EML1: variants seen among roughly 807,000 people sequenced by gnomAD.
EML1 encodes echinoderm microtubule-associated protein-like 1.
Under a neutral mutation model 110.4 loss-of-function variants are expected in EML1, and 27 were observed. The observed-to-expected ratio is 0.24, with a 90% CI of 0.18 to 0.34. EML1 has a LOEUF of 0.34. EML1 is among the 10% of genes least tolerant of loss of function. The pLI, the probability that EML1 is intolerant of heterozygous loss-of-function variation, is 1.00. For synonymous variants in EML1, 344 were observed against 385.8 expected (o/e 0.89, Z 1.27); for missense variants, 741 against 1,030.9 (o/e 0.72, Z 3.85).
intron 17 of EML1, among the ~76,000 whole-genome samples, chr14:99,927,820 T>G (rs1298060912): frequency 3.2e-3 from 61 of 19,320 alleles, no homozygotes; most frequent in Admixed American, 7.8e-3. Flanking sequence ...GGGGGGGTGG[T>G]GGTGGTGGTG....
chr14:99,888,836 T>C (rs2059530315), intron 4 of EML1, among the ~76,000 whole-genome samples: 1 of 147,306 alleles, frequency 6.8e-6, no homozygotes, highest in South Asian at 2.1e-4. Context: ...CCCTCTTAGA[T>C]GGGAGTAGGA....
At chr14:99,927,808 G>A (rs55938529) in intron 17 of EML1, among the ~76,000 whole-genome samples, 2,406 of 35,308 alleles carry the variant, frequency 0.068, 182 homozygotes, top group Non-Finnish European at 0.11. Flanking sequence ...GGTGGGGGGG[G>A]TGGGGGGGTG....
At chr14:99,739,315 G>A (rs142389189) in intron 1 of EML1, among the ~76,000 whole-genome samples, 8 of 152,206 alleles carry the variant, frequency 5.3e-5, no homozygotes, top group East Asian at 1.9e-4. Flanking sequence ...ACGCTAACCC[G>A]GAATAGCTCT....
upstream of EML1, among the ~76,000 whole-genome samples, chr14:99,791,253 G>A (rs1451107122): frequency 1.3e-5 from 2 of 152,108 alleles, no homozygotes; most frequent in African/African-American, 4.8e-5. Context: ...GGTCACCTGG[G>A]AGCCCTCTGC....
chr14:99,825,015 G>A (rs2058329174), intron 1 of EML1, among the ~76,000 whole-genome samples: 1 of 151,980 alleles, frequency 6.6e-6, no homozygotes, highest in African/African-American at 2.4e-5. Flanking sequence ...ACAGGATCTT[G>A]TTCTGTCTCC....
intron 1 of EML1, among the ~76,000 whole-genome samples, chr14:99,751,339 C>A (rs143603559): frequency 1.6e-3 from 247 of 152,248 alleles, no homozygotes; most frequent in African/African-American, 5.5e-3. Flanking sequence ...TAACAAGGGG[C>A]CACTGCATGG....
At chr14:99,748,226 C>A (rs1346311848) in intron 1 of EML1, among the ~76,000 whole-genome samples, 1 of 152,104 alleles carries the variant, frequency 6.6e-6, no homozygotes, top group Non-Finnish European at 1.5e-5. Flanking sequence ...CCAGGACAGC[C>A]CCTGCCCGCA....
chr14:99,877,418 C>T (rs948499104), intron 3 of EML1, among the ~76,000 whole-genome samples: 12 of 152,122 alleles, frequency 7.9e-5, no homozygotes, highest in African/African-American at 2.9e-4. Flanking sequence ...TCTGGTTTAC[C>T]CCTCATGCCT....
chr14:99,766,404 G>C (rs1397248751), intron 1 of EML1, among the ~76,000 whole-genome samples: 2 of 151,884 alleles, frequency 1.3e-5, no homozygotes, highest in African/African-American at 4.8e-5. Context: ...ATGTTGGCCA[G>C]GCTGGTCTCG....
chr14:99,769,171 C>T (rs188294228), upstream of EML1, among the ~76,000 whole-genome samples: 62 of 152,300 alleles, frequency 4.1e-4, no homozygotes, highest in African/African-American at 1.4e-3. Flanking sequence ...TCTGGTCCTC[C>T]TTTCTCAGCC....
intron 1 of EML1, among the ~76,000 whole-genome samples, chr14:99,780,873 C>T (rs1171313231): frequency 6.6e-6 from 1 of 152,110 alleles, no homozygotes; most frequent in East Asian, 1.9e-4. Flanking sequence ...ACCATCTGGG[C>T]TTATGTAAGT....
Position 99,881,015 on chromosome 14 carries a change from C to T in EML1, c.518+2396C>T, listed in dbSNP as rs78628587. 4.0e-3 allele frequency among the ~76,000 whole-genome samples: 607 copies of T among 152,270 alleles called. 4 individuals carry two copies. Among genetic ancestry groups the T allele is most frequent in the African/African-American group, 0.014 (575 of 41,548 alleles). On this transcript the variant is annotated intron_variant, in intron 4 of 21. Coordinates refer to ENST00000262233, the MANE Select transcript of EML1 (RefSeq NM_004434.3). The stretch of plus-strand genomic sequence containing the variant: ...AAGTGTTAGATTTTGTCACAATCCG[C>T]GTTGCACTTGTGTCTAACGTAGTTG...
intron 4 of EML1, among the ~76,000 whole-genome samples, chr14:99,884,972 G>C (rs962795871): frequency 6.6e-6 from 1 of 152,226 alleles, no homozygotes; most frequent in South Asian, 2.1e-4. Flanking sequence ...GTGCTTTTCA[G>C]ATGGTGTCGT....
Position 99,865,652 on chromosome 14 carries a change from C to G in EML1, c.383+6C>G, listed in dbSNP as rs896172858. ...GCTGTGCCAGCAACCAAAAGGTGAG[C>G]CAGAAGCAGGGCCTTAAATGAACTC... On this transcript the variant is annotated splice_donor_region_variant and intron_variant, in intron 3 of 21. Coordinates refer to ENST00000262233, the MANE Select transcript of EML1 (RefSeq NM_004434.3). The G allele has an allele frequency of 6.2e-7, 1 of 1,613,556 alleles. No individual in the cohort carries two copies. The highest frequency in any genetic ancestry group is 1.1e-5 in the South Asian group (1 of 90,996).
chr14:99,882,271 A>T (rs555691298), intron 4 of EML1, among the ~76,000 whole-genome samples: 2 of 152,286 alleles, frequency 1.3e-5, no homozygotes, highest in Non-Finnish European at 1.5e-5. Flanking sequence ...TGATGGAGAT[A>T]TTTTTCAATT....
intron 17 of EML1, among the ~76,000 whole-genome samples, chr14:99,928,380 G>C (rs1480402078): frequency 6.6e-6 from 1 of 151,926 alleles, no homozygotes; most frequent in South Asian, 2.1e-4. Context: ...TTTAGTACTT[G>C]TTCTCTGGCA....
chr14:99,738,500 T>C (rs2056996556), intron 1 of EML1, among the ~76,000 whole-genome samples: 1 of 152,104 alleles, frequency 6.6e-6, no homozygotes, highest in Non-Finnish European at 1.5e-5. Flanking sequence ...CTCCTGCCAG[T>C]TACAGAGCCA....
In EML1 at chr14:99,909,420, C is replaced by T. The variant is rs766576648; in HGVS notation, c.1180C>T (p.His394Tyr). The T allele has an allele frequency of 5.0e-6, 8 of 1,614,188 alleles. No individual in the cohort carries two copies. The highest frequency in any genetic ancestry group is 8.5e-7 in the Non-Finnish European group (1 of 1,180,040). Residue 394 changes from histidine to tyrosine, a missense_variant, in exon 11 of 22, where the codon CAT becomes TAT. This residue lies in a region of EML1 where 388 missense variants were observed against 605.6 expected (regional missense o/e 0.64). Transcript: ENST00000262233. ...CATCATAGTTACTTGTGGAAAATCA[C>T]ATCTCTACTTTTGGACACTAGAAGG... ...TNIIVTCGKSHLYFWTLEGSS... is the reference protein window; with the variant it reads ...TNIIVTCGKSYLYFWTLEGSS...
intron 4 of EML1, among the ~76,000 whole-genome samples, chr14:99,883,069 G>A (rs532931837): frequency 9.2e-5 from 14 of 152,226 alleles, no homozygotes; most frequent in South Asian, 2.1e-4. Context: ...CACTGCTGCC[G>A]TCGGCTCAAC....
Sources: gnomAD v4.1 joint callset for allele counts (sites outside exome capture counted in the v4.1 genomes callset) on GRCh38, gnomAD v4.1.1 for gene constraint, gnomAD v4.1.1 regional missense constraint, MANE v1.5 for transcripts, NCBI Gene and HGNC (gene_info 2026-07-23, HGNC 2026-07-21) for gene names.